APBA1: variants seen among roughly 807,000 people sequenced by gnomAD.
APBA1 encodes the protein amyloid-beta A4 precursor protein-binding family A member 1.
Under a neutral mutation model 86.6 loss-of-function variants are expected in APBA1, and 55 were observed. That is an observed-to-expected ratio of 0.64 (90% CI 0.51 to 0.80). The LOEUF (loss-of-function observed/expected upper bound fraction) is 0.80. APBA1 is among the 30% of genes least tolerant of loss of function. APBA1 has a pLI of 0.00. For missense variants in APBA1, 1,090 were observed against 1,183.0 expected (o/e 0.92, Z 1.15); for synonymous variants, 511 against 493.9 (o/e 1.03, Z -0.46).
chr9:69,433,854 T>G (rs1272354567), intron 11 of APBA1, among the ~76,000 whole-genome samples: 1 of 145,916 alleles, frequency 6.9e-6, no homozygotes, highest in Non-Finnish European at 1.5e-5. Flanking sequence ...CTCTGTCACC[T>G]AGGCTGGAGT....
intron 2 of APBA1, among the ~76,000 whole-genome samples, chr9:69,485,850 T>C (rs1034844970): frequency 1.3e-5 from 2 of 152,096 alleles, no homozygotes; most frequent in Admixed American, 6.5e-5. Flanking sequence ...ACCAGGTTCC[T>C]AAATCCCAGA....
intron 1 of APBA1, among the ~76,000 whole-genome samples, chr9:69,666,514 T>C (rs1009016570): frequency 6.6e-6 from 1 of 152,176 alleles, no homozygotes; most frequent in Admixed American, 6.5e-5. Flanking sequence ...CTAAAAGTTC[T>C]GTGATATTAA....
intron 1 of APBA1, among the ~76,000 whole-genome samples, chr9:69,658,223 T>TC (rs1367297281): frequency 0.021 from 246 of 11,502 alleles, 1 homozygote; most frequent in African/African-American, 0.033. Context: ...GTCCTTTCTC[T>TC]CTTTCTTTCT....
Position 69,663,882 on chromosome 9 carries a change from G to A in APBA1, c.-70+8271C>T, listed in dbSNP as rs28715886. 4.7e-3 allele frequency among the ~76,000 whole-genome samples: 709 copies of A among 152,264 alleles called. 7 individuals carry two copies. The highest frequency in any genetic ancestry group is 0.016 in the African/African-American group (665 of 41,542). On this transcript the variant is annotated intron_variant, in intron 1 of 12. Transcript: ENST00000265381. ...TTCAGAAAAGAGAAAGTTGCCTTAT[G>A]TATAAATGCTTACAAAGTCTCCCAT...
chr9:69,437,219 G>A (rs978746211), intron 11 of APBA1, among the ~76,000 whole-genome samples: 11 of 151,698 alleles, frequency 7.3e-5, no homozygotes, highest in Non-Finnish European at 1.3e-4. Context: ...GTTCATCAAC[G>A]ATATTGGTCT....
At chr9:69,483,534 C>T (rs1260704787) in intron 2 of APBA1, among the ~76,000 whole-genome samples, 2 of 151,688 alleles carry the variant, frequency 1.3e-5, no homozygotes, top group African/African-American at 4.8e-5. Context: ...GTGAAACAAA[C>T]AAACAAAAAA....
At chr9:69,537,575 G>T (rs1469081057) in intron 1 of APBA1, among the ~76,000 whole-genome samples, 1 of 152,084 alleles carries the variant, frequency 6.6e-6, no homozygotes, top group Admixed American at 6.6e-5. Flanking sequence ...GGGTCGGGGA[G>T]AGAAGTCAGG....
At chr9:69,487,588 T>C (rs950359575) in intron 2 of APBA1, among the ~76,000 whole-genome samples, 11 of 152,040 alleles carry the variant, frequency 7.2e-5, no homozygotes, top group African/African-American at 2.7e-4. Context: ...TCTACCCTCA[T>C]GAATGGATTG....
chr9:69,658,316 T>TC (rs1564105093), intron 1 of APBA1, among the ~76,000 whole-genome samples: 7 of 82,958 alleles, frequency 8.4e-5, no homozygotes, highest in Admixed American at 3.9e-4. Context: ...CTTTCTTTCT[T>TC]TCTTTCTTTC....
At chr9:69,593,479 C>T (rs17082926) in intron 1 of APBA1, among the ~76,000 whole-genome samples, 5,191 of 152,204 alleles carry the variant, frequency 0.034, 149 homozygotes, top group African/African-American at 0.076. Context: ...ACCAAACAAC[C>T]GTCAACAAGG....
At chr9:69,468,795 A>G (rs559761190) in intron 4 of APBA1, among the ~76,000 whole-genome samples, 2 of 152,352 alleles carry the variant, frequency 1.3e-5, no homozygotes, top group South Asian at 4.1e-4. Context: ...TCTGTGATTA[A>G]TATATAACTG....
intron 1 of APBA1, among the ~76,000 whole-genome samples, chr9:69,657,055 C>T (rs1466491294): frequency 2.0e-5 from 3 of 152,072 alleles, no homozygotes; most frequent in Non-Finnish European, 4.4e-5. Context: ...CCGTGTTAGC[C>T]AGGATGGTCT....
intron 6 of APBA1, 47 bp downstream of exon 6, chr9:69,458,108 GA>G: frequency 6.5e-7 from 1 of 1,527,122 alleles, no homozygotes; most frequent in Non-Finnish European, 8.8e-7. Flanking sequence ...AGAAACGAAT[GA>G]AAAGAACAGG....
chr9:69,626,400 G>T (rs2133994117), intron 1 of APBA1, among the ~76,000 whole-genome samples: 1 of 152,094 alleles, frequency 6.6e-6, no homozygotes, highest in South Asian at 2.1e-4. Flanking sequence ...TACTTTTAAA[G>T]GATGATATAA....
chr9:69,559,651 G>A (rs184946958), intron 1 of APBA1, among the ~76,000 whole-genome samples: 1 of 152,224 alleles, frequency 6.6e-6, no homozygotes, highest in African/African-American at 2.4e-5. Flanking sequence ...TTTTGAAGTT[G>A]TTATTCCAAT....
intron 1 of APBA1, among the ~76,000 whole-genome samples, chr9:69,593,223 C>T (rs1359944046): frequency 6.6e-6 from 1 of 151,872 alleles, no homozygotes; most frequent in Non-Finnish European, 1.5e-5. Context: ...TTTCTTTCTT[C>T]TTATCAGAAT....
intron 2 of APBA1, among the ~76,000 whole-genome samples, chr9:69,495,668 C>T (rs1271020995): frequency 1.3e-5 from 2 of 152,094 alleles, no homozygotes; most frequent in African/African-American, 4.8e-5. Flanking sequence ...GCAGCACCTA[C>T]TATTTCTGGA....
At chr9:69,511,161 G>T (rs1231210181) in intron 2 of APBA1, among the ~76,000 whole-genome samples, 1 of 151,724 alleles carries the variant, frequency 6.6e-6, no homozygotes, top group Non-Finnish European at 1.5e-5. Flanking sequence ...GCAAATTTTC[G>T]CAACCTACTC....
chr9:69,488,251 G>A (rs1291511952), intron 2 of APBA1, among the ~76,000 whole-genome samples: 3 of 152,020 alleles, frequency 2.0e-5, no homozygotes, highest in Non-Finnish European at 4.4e-5. Flanking sequence ...TCATGATTGA[G>A]ATGACCCTTT....
Sources: allele counts gnomAD v4.1 joint callset (sites outside exome capture counted in the v4.1 genomes callset), GRCh38; gene constraint gnomAD v4.1.1; transcripts MANE v1.5; gene names NCBI Gene and HGNC (gene_info 2026-07-23, HGNC 2026-07-21).